Variants in FBXL17 observed in about 807,000 individuals in gnomAD.
FBXL17 encodes F-box and leucine rich repeat protein 17.
In FBXL17, 22 loss-of-function variants were observed where a neutral mutation model predicts 66.2. The observed-to-expected ratio is 0.33, with a 90% CI of 0.24 to 0.47. The LOEUF is 0.47. Ranked by LOEUF, FBXL17 falls within the 20% of genes least tolerant of loss-of-function variation. FBXL17 has a pLI of 1.00. For missense variants in FBXL17, 878 were observed against 948.2 expected, an observed-to-expected ratio of 0.93 and a Z score of 0.97; for synonymous variants, 474 against 400.5, an observed-to-expected ratio of 1.18 and a Z score of -2.19.
chr5:108,108,879 G>A (rs1749919413), intron 6 of FBXL17, among the ~76,000 whole-genome samples: 1 of 151,584 alleles, frequency 6.6e-6, no homozygotes, highest in African/African-American at 2.4e-5. Flanking sequence ...CGCCTCCCGG[G>A]TTCAAGCGAT....
At chr5:107,996,138 C>G (rs79097101) in intron 7 of FBXL17, among the ~76,000 whole-genome samples, 2,603 of 152,264 alleles carry the variant, frequency 0.017, 73 homozygotes, top group African/African-American at 0.06. Flanking sequence ...CACGCCATGC[C>G]TGATTTTTTT....
chr5:107,859,707 CATCTA>C lies in FBXL17; in HGVS notation c.*2008_*2012del, dbSNP rs1328991440. On this transcript the variant is annotated 3_prime_UTR_variant, in exon 9 of 9. Transcript: ENST00000542267. ...TTACAACTTTGAACTGAAATGGTAC[CATCTA>C]TATCATAGATGGCTCTCCCTTCTTT... 6.6e-6 allele frequency: 1 copy of C among 151,962 alleles called. No homozygotes were observed. Among genetic ancestry groups the C allele is most frequent in the Non-Finnish European group, 1.5e-5 (1 of 67,976 alleles). 9.4% of individuals were successfully genotyped at this position (151,962 alleles called of 1,614,324 possible). A position where few individuals can be genotyped will look rare whatever the true frequency, so the allele number is the denominator to read the frequency against.
chr5:108,240,632 T>C (rs913422736), intron 4 of FBXL17, among the ~76,000 whole-genome samples: 9 of 152,088 alleles, frequency 5.9e-5, no homozygotes, highest in African/African-American at 2.2e-4. Context: ...CATGGGGAAC[T>C]TGCCACCCTG....
At chr5:108,374,066 T>C (rs766805423) in intron 1 of FBXL17, among the ~76,000 whole-genome samples, 22 of 152,048 alleles carry the variant, frequency 1.4e-4, no homozygotes, top group Non-Finnish European at 2.8e-4. Flanking sequence ...ACTGACAGAA[T>C]TGAAAGGAAA....
intron 6 of FBXL17, among the ~76,000 whole-genome samples, chr5:108,179,972 C>T (rs1752937618): frequency 6.6e-6 from 1 of 152,028 alleles, no homozygotes; most frequent in Non-Finnish European, 1.5e-5. Context: ...GAGAACAGTC[C>T]ATTCATCATC....
chr5:108,025,025 C>T (rs936741022), intron 6 of FBXL17, among the ~76,000 whole-genome samples: 12 of 151,982 alleles, frequency 7.9e-5, no homozygotes, highest in African/African-American at 1.4e-4. Context: ...AAACAATGGC[C>T]CATTCTACAT....
At chr5:108,351,449 C>A (rs1181629582) in intron 3 of FBXL17, among the ~76,000 whole-genome samples, 1 of 152,158 alleles carries the variant, frequency 6.6e-6, no homozygotes, top group Admixed American at 6.5e-5. Context: ...ACTGATTATT[C>A]TGTATTTAAT....
intron 7 of FBXL17, among the ~76,000 whole-genome samples, chr5:107,917,849 A>G (rs1269970237): frequency 6.6e-6 from 1 of 152,218 alleles, no homozygotes; most frequent in African/African-American, 2.4e-5. Flanking sequence ...GGAGAAGAAA[A>G]AGGAAAAAAC....
At chr5:108,006,092 T>C (rs1753910127) in intron 7 of FBXL17, among the ~76,000 whole-genome samples, 1 of 152,232 alleles carries the variant, frequency 6.6e-6, no homozygotes, top group Non-Finnish European at 1.5e-5. Context: ...AAATATTTAT[T>C]TGAATCTAAA....
At chr5:107,879,127 C>T in intron 8 of FBXL17, 1 of 985,410 alleles carries the variant, frequency 1.0e-6, no homozygotes, top group South Asian at 4.7e-5. Context: ...CCTGTAGTAA[C>T]TGTAACATAC....
chr5:108,206,841 T>C (rs1005817385), intron 5 of FBXL17, among the ~76,000 whole-genome samples: 3 of 152,124 alleles, frequency 2.0e-5, no homozygotes, highest in African/African-American at 7.2e-5. Context: ...TCCATGTCTT[T>C]GCATGTACCT....
intron 6 of FBXL17, among the ~76,000 whole-genome samples, chr5:108,064,321 G>A (rs1748035477): frequency 6.6e-6 from 1 of 152,146 alleles, no homozygotes; most frequent in African/African-American, 2.4e-5. Context: ...ATAATGAGCA[G>A]TCATTTTCCC....
At chr5:108,306,992 G>T (rs1758872389) in intron 4 of FBXL17, among the ~76,000 whole-genome samples, 1 of 151,554 alleles carries the variant, frequency 6.6e-6, no homozygotes, top group African/African-American at 2.4e-5. Flanking sequence ...TCTTTTTTAT[G>T]ATATACATTA....
intron 4 of FBXL17, among the ~76,000 whole-genome samples, chr5:108,248,563 C>T (rs911963474): frequency 6.6e-6 from 1 of 151,918 alleles, no homozygotes; most frequent in African/African-American, 2.4e-5. Flanking sequence ...AAGAAATGTC[C>T]CCAAATTTGG....
intron 6 of FBXL17, among the ~76,000 whole-genome samples, chr5:108,092,618 T>G (rs946096242): frequency 6.6e-6 from 1 of 152,158 alleles, no homozygotes; most frequent in Non-Finnish European, 1.5e-5. Flanking sequence ...GCCTGGCAAG[T>G]GGGTGTATCT....
At chr5:108,000,426 T>C (rs1287109808) in intron 7 of FBXL17, among the ~76,000 whole-genome samples, 3 of 152,212 alleles carry the variant, frequency 2.0e-5, no homozygotes. Flanking sequence ...AGCTGCATGT[T>C]AATCACCTTT....
chr5:107,917,654 G>C (rs542446350), intron 7 of FBXL17, among the ~76,000 whole-genome samples: 1 of 152,298 alleles, frequency 6.6e-6, no homozygotes, highest in East Asian at 1.9e-4. Flanking sequence ...AGAAACTAGT[G>C]CCAAGACGGT....
chr5:107,894,796 G>A (rs1488893562), intron 7 of FBXL17, among the ~76,000 whole-genome samples: 3 of 151,902 alleles, frequency 2.0e-5, no homozygotes, highest in African/African-American at 4.8e-5. Context: ...TAAAGAGACT[G>A]AATTGCAACT....
At chr5:108,133,006 T>C (rs553437127) in intron 6 of FBXL17, among the ~76,000 whole-genome samples, 14 of 152,204 alleles carry the variant, frequency 9.2e-5, no homozygotes, top group Admixed American at 9.2e-4. Flanking sequence ...ATGGAAATGG[T>C]TAAGTAAAGT....
Sources: gnomAD v4.1 joint callset for allele counts (sites outside exome capture counted in the v4.1 genomes callset) on GRCh38, gnomAD v4.1.1 for gene constraint, MANE v1.5 for transcripts, NCBI Gene and HGNC (gene_info 2026-07-23, HGNC 2026-07-21) for gene names.